Variants in LGALS8 observed in about 807,000 individuals in gnomAD.
The protein encoded by LGALS8 is galectin-8.
In LGALS8, 30 loss-of-function variants were observed where a neutral mutation model predicts 35.9. The observed-to-expected ratio is 0.83, with a 90% CI of 0.62 to 1.13. The LOEUF is 1.13. LGALS8 is among the 50% of genes most tolerant of loss of function. The pLI is 0.00. For missense variants in LGALS8, 366 were observed against 388.7 expected, an observed-to-expected ratio of 0.94 and a Z score of 0.49; for synonymous variants, 138 against 136.1, an observed-to-expected ratio of 1.01 and a Z score of -0.10.
At chr1:236,534,064 T>C (rs1164137293) in intron 2 of LGALS8, among the ~76,000 whole-genome samples, 2 of 152,218 alleles carry the variant, frequency 1.3e-5, no homozygotes, top group African/African-American at 2.4e-5. Flanking sequence ...TACTGCGTCA[T>C]TGTGGCTTCT....
At chr1:236,532,491 C>T (rs780015709) in intron 2 of LGALS8, among the ~76,000 whole-genome samples, 1 of 152,158 alleles carries the variant, frequency 6.6e-6, no homozygotes, top group Non-Finnish European at 1.5e-5. Context: ...CTCTCAGATG[C>T]TCTGCCAACG....
upstream of LGALS8, among the ~76,000 whole-genome samples, chr1:236,522,236 A>G (rs1229589026): frequency 2.0e-5 from 3 of 152,192 alleles, no homozygotes; most frequent in African/African-American, 7.2e-5. Context: ...TTTGCACCTA[A>G]ATATGACTTA....
intron 2 of LGALS8, among the ~76,000 whole-genome samples, chr1:236,534,619 G>A (rs1661354942): frequency 6.8e-6 from 1 of 148,102 alleles, no homozygotes; most frequent in Non-Finnish European, 1.5e-5. Context: ...AAAAAAAAAA[G>A]TATTACTGAA....
At chr1:236,543,066 A>C in intron 7 of LGALS8, 1 of 1,607,746 alleles carries the variant, frequency 6.2e-7, no homozygotes, top group Non-Finnish European at 8.5e-7. Context: ...AATTTTCTTA[A>C]CTCTATATAA....
At chr1:236,524,688 T>G (rs1250782369) in intron 1 of LGALS8, 1 of 322,136 alleles carries the variant, frequency 3.1e-6, no homozygotes, top group Non-Finnish European at 6.2e-6. Flanking sequence ...GGTTGCGTGA[T>G]TTAATGCAAG....
At chr1:236,531,857 T>C (rs73113014) in intron 2 of LGALS8, among the ~76,000 whole-genome samples, 7,091 of 152,216 alleles carry the variant, frequency 0.047, 535 homozygotes, top group African/African-American at 0.15. Context: ...CTATGATTTA[T>C]TGCGGTGAAA....
chr1:236,547,623 G>A (rs1245756952), intron 9 of LGALS8, among the ~76,000 whole-genome samples: 1 of 113,990 alleles, frequency 8.8e-6, no homozygotes, highest in East Asian at 2.3e-4. Context: ...GTGAACTAAA[G>A]CAACCATATT....
intron 9 of LGALS8, among the ~76,000 whole-genome samples, chr1:236,547,298 T>C (rs868333695): frequency 2.3e-4 from 35 of 152,102 alleles, no homozygotes; most frequent in African/African-American, 7.5e-4. Flanking sequence ...TGGTTTTTCA[T>C]TGTTTGAGTT....
Position 236,549,876 on chromosome 1 carries a change from C to T in LGALS8, c.*1715C>T, listed in dbSNP as rs1407916318. 2 of 152,168 alleles carry T rather than the reference C, an allele frequency of 1.3e-5. No homozygotes were observed. Among genetic ancestry groups the T allele is most frequent in the African/African-American group, 4.8e-5 (2 of 41,430 alleles). 9.4% of individuals were successfully genotyped at this position (152,168 alleles called of 1,614,324 possible). A position where few individuals can be genotyped will look rare whatever the true frequency, so the allele number is the denominator to read the frequency against. The stretch of plus-strand genomic sequence containing the variant: ...ATTAATGAATTTTACTGAGACATTT[C>T]TTAGAAATATGCACTTCTATACTAG... On this transcript the variant is annotated 3_prime_UTR_variant, in exon 10 of 10. Coordinates refer to ENST00000366584, the MANE Select transcript of LGALS8 (RefSeq NM_201544.4).
intron 1 of LGALS8, among the ~76,000 whole-genome samples, chr1:236,525,204 AGGAG>A (rs911755386): frequency 2.0e-5 from 3 of 152,176 alleles, no homozygotes; most frequent in African/African-American, 7.2e-5. Flanking sequence ...TTTAAATTGG[AGGAG>A]GAAGAGCAAT....
At chr1:236,542,627 TG>T in intron 6 of LGALS8, 133 bp from the exon 7 acceptor site, 1 of 864,660 alleles carries the variant, frequency 1.2e-6, no homozygotes, top group Non-Finnish European at 1.9e-6. Context: ...ACCAGCTGCC[TG>T]GAGGTCACAC....
rs1233024864 is a variant in LGALS8, at chr1:236,551,458, T to C, written c.*3297T>C. The C allele has an allele frequency of 7.4e-5, 12 of 161,564 alleles. No homozygotes were observed. The South Asian group carries it at 1.1e-3, about 15-fold the overall frequency. 10.0% of individuals were successfully genotyped at this position (161,564 alleles called of 1,614,324 possible). On this transcript the variant is annotated 3_prime_UTR_variant, in exon 10 of 10. Coordinates refer to ENST00000366584, the MANE Select transcript of LGALS8 (RefSeq NM_201544.4). ...TCCCCATGTCACACTCACTAGCTTG[T>C]GATCTTTGTCAAATAACTGAAATCT...
rs916291771 is a variant in LGALS8, at chr1:236,546,317, C to T, written c.804+1402C>T. ...GCAGTAATTATCCTTGTGTTGATCA[C>T]TGCTGACGATTTTCTATACTGATAG... is the stretch of plus-strand genomic sequence containing the variant. On this transcript the variant is annotated intron_variant, in intron 9 of 9. Coordinates refer to ENST00000366584, the MANE Select transcript of LGALS8 (RefSeq NM_201544.4). 2.6e-5 allele frequency among the ~76,000 whole-genome samples: 4 copies of T among 152,324 alleles called. 1 individual carries two copies. The South Asian group carries it at 8.3e-4, about 32-fold the overall frequency.
intron 9 of LGALS8, among the ~76,000 whole-genome samples, chr1:236,547,587 A>C (rs908209422): frequency 2.0e-5 from 3 of 152,090 alleles, no homozygotes; most frequent in African/African-American, 4.8e-5. Flanking sequence ...CCTTGGTTCC[A>C]GGCTACAGCT....
intron 2 of LGALS8, among the ~76,000 whole-genome samples, chr1:236,535,980 G>A (rs1283066246): frequency 6.6e-6 from 1 of 152,172 alleles, no homozygotes; most frequent in Non-Finnish European, 1.5e-5. Context: ...GGGAGGTAAA[G>A]GTGATGAGCC....
intron 7 of LGALS8, 155 bp downstream of exon 7, chr1:236,542,942 A>C: frequency 6.2e-7 from 1 of 1,614,188 alleles, no homozygotes; most frequent in Non-Finnish European, 8.5e-7. Flanking sequence ...AGACATTTCT[A>C]AAATCGCACC....
chr1:236,534,724 C>G (rs1309113791), intron 2 of LGALS8, among the ~76,000 whole-genome samples: 3 of 152,034 alleles, frequency 2.0e-5, no homozygotes, highest in Non-Finnish European at 4.4e-5. Context: ...GTTTCTCAAA[C>G]TGGAACAACC....
intron 2 of LGALS8, among the ~76,000 whole-genome samples, chr1:236,532,863 A>G (rs1295185643): frequency 6.6e-6 from 1 of 152,002 alleles, no homozygotes; most frequent in African/African-American, 2.4e-5. Context: ...CAAAAAACAA[A>G]AAACAAAAAA....
rs772547730 is a variant in LGALS8 at position 236,543,456 on chromosome 1, C to T, written c.550-104C>T. ...ACTGTCTCTCCCCTCCTGGGATTTA[C>T]AGGGTCATGGCTCTGAAACATTCCG... On this transcript the variant is annotated intron_variant, in intron 7 of 9. Transcript: ENST00000366584. 3.4e-6 allele frequency: 3 copies of T among 882,050 alleles called. No homozygotes were observed. In the African/African-American group the frequency reaches 5.0e-5, roughly 15 times the overall value. 54.6% of individuals were successfully genotyped at this position (882,050 alleles called of 1,614,324 possible).
Sources: allele counts gnomAD v4.1 joint callset (sites outside exome capture counted in the v4.1 genomes callset), GRCh38; gene constraint gnomAD v4.1.1; transcripts MANE v1.5; gene names NCBI Gene and HGNC (gene_info 2026-07-23, HGNC 2026-07-21).